The following CTNNA2 variants were observed in gnomAD, a reference collection of about 807,000 sequenced individuals.
CTNNA2 encodes catenin alpha-2.
A neutral mutation model predicts 101.0 loss-of-function variants in CTNNA2; 42 were observed. The observed-to-expected ratio is 0.42, with a 90% CI of 0.32 to 0.54. The LOEUF is 0.54. Ranked by LOEUF, CTNNA2 falls within the 20% of genes least tolerant of loss-of-function variation. CTNNA2 has a pLI of 0.14. For synonymous variants in CTNNA2, 450 were observed against 456.4 expected, an observed-to-expected ratio of 0.99 and a Z score of 0.18; for missense variants, 871 against 1,223.1, an observed-to-expected ratio of 0.71 and a Z score of 4.29.
At chr2:79,918,456 G>A (rs1217417726) in intron 7 of CTNNA2, among the ~76,000 whole-genome samples, 1 of 152,152 alleles carries the variant, frequency 6.6e-6, no homozygotes, top group Non-Finnish European at 1.5e-5. Context: ...TCAGCAGAAA[G>A]TCTGGATTCC....
intron 4 of CTNNA2, among the ~76,000 whole-genome samples, chr2:79,399,462 A>G (rs748842150): frequency 6.6e-6 from 1 of 152,100 alleles, no homozygotes; most frequent in Non-Finnish European, 1.5e-5. Flanking sequence ...CCCAACACAT[A>G]TTGGTTCAAA....
chr2:79,682,807 G>A (rs1347200645), intron 2 of CTNNA2, among the ~76,000 whole-genome samples: 1 of 152,048 alleles, frequency 6.6e-6, no homozygotes, highest in African/African-American at 2.4e-5. Flanking sequence ...TTACCTCTCT[G>A]TAAATTGTCA....
At chr2:80,342,855 C>A (rs376625872) in intron 7 of CTNNA2, among the ~76,000 whole-genome samples, 1 of 152,082 alleles carries the variant, frequency 6.6e-6, no homozygotes, top group Non-Finnish European at 1.5e-5. Flanking sequence ...TGTCACAGTT[C>A]GGGAGGACAG....
At chr2:80,469,977 G>T (rs954217288) in intron 9 of CTNNA2, among the ~76,000 whole-genome samples, 2 of 152,140 alleles carry the variant, frequency 1.3e-5, no homozygotes, top group African/African-American at 4.8e-5. Flanking sequence ...ATAACCCTAA[G>T]ACATGGGCAA....
chr2:79,409,161 G>T lies in CTNNA2; in HGVS notation c.-135+35148G>T, dbSNP rs190477661. ...TGTTGGGGTTGTTTGTTTCTTTCTTGTAAATTTGTTTGAGTTCATTGTAGA... is the reference window on the plus strand; with the variant it reads ...TGTTGGGGTTGTTTGTTTCTTTCTTTTAAATTTGTTTGAGTTCATTGTAGA... On this transcript the variant is annotated intron_variant, in intron 4 of 21. Transcript: ENST00000466387. 3.5e-3 allele frequency among the ~76,000 whole-genome samples: 539 copies of T among 152,222 alleles called. 12 individuals are homozygous for T. Among genetic ancestry groups the T allele is most frequent in the Admixed American group, 0.033 (504 of 15,272 alleles).
At chr2:80,289,016 G>C (rs773730932) in intron 7 of CTNNA2, 2 of 152,118 alleles carry the variant, frequency 1.3e-5, no homozygotes, top group African/African-American at 4.8e-5. Flanking sequence ...AAAACAACGC[G>C]TGCACTTTTA....
At chr2:80,317,165 G>T (rs569707639) in intron 7 of CTNNA2, among the ~76,000 whole-genome samples, 1 of 152,120 alleles carries the variant, frequency 6.6e-6, no homozygotes, top group Non-Finnish European at 1.5e-5. Context: ...AGTGAGACGG[G>T]GATGAAGAGA....
At chr2:80,562,450 A>G (rs1693691793) in intron 12 of CTNNA2, among the ~76,000 whole-genome samples, 1 of 152,196 alleles carries the variant, frequency 6.6e-6, no homozygotes, top group African/African-American at 2.4e-5. Context: ...GCAAAAATCC[A>G]AAAGTTCTAT....
At chr2:79,824,327 A>G (rs1040541294) in intron 3 of CTNNA2, among the ~76,000 whole-genome samples, 5 of 152,108 alleles carry the variant, frequency 3.3e-5, no homozygotes, top group African/African-American at 1.2e-4. Context: ...AGCATGGGTC[A>G]CCATATTGGA....
intron 7 of CTNNA2, among the ~76,000 whole-genome samples, chr2:80,013,035 G>T (rs769557287): frequency 8.8e-4 from 134 of 152,238 alleles, no homozygotes; most frequent in Non-Finnish European, 1.7e-3. Context: ...GAATGGTGAT[G>T]CACGTCTGTA....
At chr2:79,280,224 C>T (rs1675327095) in intron 2 of CTNNA2, among the ~76,000 whole-genome samples, 1 of 152,078 alleles carries the variant, frequency 6.6e-6, no homozygotes, top group African/African-American at 2.4e-5. Context: ...TTATCTGTTT[C>T]TCCTGGGCAG....
intron 1 of CTNNA2, among the ~76,000 whole-genome samples, chr2:79,193,613 G>C (rs1673905367): frequency 6.6e-6 from 1 of 152,134 alleles, no homozygotes; most frequent in Non-Finnish European, 1.5e-5. Flanking sequence ...GACTGAAATT[G>C]CTCTTTGCCT....
chr2:79,201,935 A>T (rs185245978), intron 2 of CTNNA2, among the ~76,000 whole-genome samples: 1 of 152,232 alleles, frequency 6.6e-6, no homozygotes, highest in East Asian at 1.9e-4. Context: ...TTTTAGGGAG[A>T]CATGAGACAT....
At chr2:80,298,946 C>T (rs1467073872) in intron 7 of CTNNA2, 1 of 152,092 alleles carries the variant, frequency 6.6e-6, no homozygotes, top group African/African-American at 2.4e-5. Flanking sequence ...CTGGTCCAAC[C>T]TAAAAAACTA....
chr2:80,581,377 G>C (rs1178300211), intron 13 of CTNNA2, among the ~76,000 whole-genome samples: 1 of 152,114 alleles, frequency 6.6e-6, no homozygotes, highest in Non-Finnish European at 1.5e-5. Context: ...AAATTTTGTT[G>C]TTGATGGATC....
At chr2:80,100,273 A>G (rs2148839902) in intron 7 of CTNNA2, among the ~76,000 whole-genome samples, 1 of 152,290 alleles carries the variant, frequency 6.6e-6, no homozygotes, top group South Asian at 2.1e-4. Flanking sequence ...GATGCTTACT[A>G]AAGTTTGCAG....
intron 7 of CTNNA2, chr2:80,328,269 G>T (rs753840640): frequency 2.1e-6 from 1 of 470,760 alleles, no homozygotes; most frequent in African/African-American, 2.0e-5. Flanking sequence ...TTAAAGGGCC[G>T]ATAACAACTC....
At chr2:80,277,251 C>A (rs1673979715) in intron 7 of CTNNA2, among the ~76,000 whole-genome samples, 2 of 152,050 alleles carry the variant, frequency 1.3e-5, no homozygotes, top group South Asian at 4.1e-4. Context: ...TTCAGCAGAT[C>A]AATGTGTTTG....
intron 4 of CTNNA2, among the ~76,000 whole-genome samples, chr2:79,453,093 G>A (rs1005892416): frequency 6.6e-6 from 1 of 152,160 alleles, no homozygotes; most frequent in Non-Finnish European, 1.5e-5. Flanking sequence ...GAATGCCTGT[G>A]TAGTCATGAT....
Sources: gnomAD v4.1 joint callset for allele counts (sites outside exome capture counted in the v4.1 genomes callset) on GRCh38, gnomAD v4.1.1 for gene constraint, MANE v1.5 for transcripts, NCBI Gene and HGNC (gene_info 2026-07-23, HGNC 2026-07-21) for gene names.